DHX30: variants seen among roughly 807,000 people sequenced by gnomAD.
DHX30 encodes the protein ATP-dependent RNA helicase DHX30.
In DHX30, 4 loss-of-function variants were observed where a neutral mutation model predicts 116.9. The observed-to-expected ratio is 0.03, with a 90% CI of 0.02 to 0.08. The LOEUF (loss-of-function observed/expected upper bound fraction) is 0.08, where lower values mean the gene tolerates loss of function less well. Among genes scored for constraint, DHX30 ranks in the 10% least tolerant of loss-of-function variants. The probability of loss-of-function intolerance (pLI) is 1.00; values close to 1 mark genes in which losing one functional copy is unlikely to be tolerated. For synonymous variants in DHX30, 697 were observed against 651.7 expected (o/e 1.07, Z -1.06); for missense variants, 871 against 1,595.1 (o/e 0.55, Z 7.73).
At chr3:47,805,986 A>G (rs751073886) in intron 2 of DHX30, among the ~76,000 whole-genome samples, 6 of 151,518 alleles carry the variant, frequency 4.0e-5, no homozygotes, top group Admixed American at 6.6e-5. Context: ...TAAGAGACAC[A>G]TTGAGCTACA....
At chr3:47,807,275 C>T (rs2035572032) in intron 2 of DHX30, among the ~76,000 whole-genome samples, 1 of 152,112 alleles carries the variant, frequency 6.6e-6, no homozygotes, top group African/African-American at 2.4e-5. Flanking sequence ...ATGAAATGTT[C>T]TAGAGCTCTG....
At chr3:47,811,243 C>T (rs909140547) in intron 3 of DHX30, among the ~76,000 whole-genome samples, 1 of 152,068 alleles carries the variant, frequency 6.6e-6, no homozygotes, top group Non-Finnish European at 1.5e-5. Context: ...TGTGAGCCAC[C>T]GTGGCTGGCC....
rs1357088941 is a variant in DHX30, at chr3:47,847,355, G to C, written c.2005+7G>C. 5.0e-6 allele frequency: 8 copies of C among 1,614,112 alleles called. No individual in the cohort carries two copies. In the African/African-American group the frequency reaches 8.0e-5, roughly 16 times the overall value. ...GATGCTCGCGGGGAACCAGGTGGGT[G>C]CCTCCCCATCTGTCCCATGCTAGCC... is the stretch of plus-strand genomic sequence containing the variant. On this transcript the variant is annotated splice_region_variant and intron_variant, in intron 12 of 21. Transcript: ENST00000445061. This position sits in a 1 kb window ranked among gnomAD's most constrained non-coding sequence, Gnocchi z 5.5.
intron 2 of DHX30, among the ~76,000 whole-genome samples, chr3:47,807,415 C>A (rs2035578712): frequency 6.7e-6 from 1 of 150,302 alleles, no homozygotes. Context: ...TTTTAAAAAG[C>A]AAAACTGGCC....
In DHX30 at chr3:47,848,814, C is replaced by T; in HGVS notation, c.2766C>T (p.Asp922=). 6.2e-7 allele frequency: 1 copy of T among 1,610,780 alleles called. No individual in the cohort carries two copies. The highest frequency in any genetic ancestry group is 8.5e-7 in the Non-Finnish European group (1 of 1,177,240). Residue 922 remains aspartate, a synonymous_variant, in exon 17 of 22, where the codon GAC becomes GAT. Coordinates refer to ENST00000445061, the MANE Select transcript of DHX30 (RefSeq NM_138615.3). The surrounding 1 kb of genome is among the most constrained non-coding windows in gnomAD (Gnocchi z 9.4). ...SSSLQNRAEV[D]KVKALLSHDS... is the part of the protein sequence containing the mutation. ...GCCTACAGAACCGGGCAGAGGTGGA[C>T]AAGGTCAGTCCTGGCTCCTTCCTGG...
Position 47,848,874 on chromosome 3 carries a change from G to T in DHX30, c.2770-46G>T. On this transcript the variant is annotated intron_variant, in intron 17 of 21. Transcript: ENST00000445061. This position sits in a 1 kb window ranked among gnomAD's most constrained non-coding sequence, Gnocchi z 9.4. ...CCCACTGCTGTTCTGAGGGGGCGTTGTCTAGCCCCTGCCTGTGATCCGGCT... is the reference window on the plus strand; with the variant it reads ...CCCACTGCTGTTCTGAGGGGGCGTTTTCTAGCCCCTGCCTGTGATCCGGCT... The T allele has an allele frequency of 6.3e-7, 1 of 1,597,946 alleles. No homozygotes were observed. Among genetic ancestry groups the T allele is most frequent in the African/African-American group, 1.3e-5 (1 of 74,764 alleles).
At chr3:47,817,560 T>A (rs755994470) in intron 3 of DHX30, among the ~76,000 whole-genome samples, 1 of 152,144 alleles carries the variant, frequency 6.6e-6, no homozygotes, top group Non-Finnish European at 1.5e-5. Flanking sequence ...TACCCAGCTC[T>A]TGGAGGGAAA....
At chr3:47,811,742 A>G (rs910866716) in intron 3 of DHX30, among the ~76,000 whole-genome samples, 2 of 152,022 alleles carry the variant, frequency 1.3e-5, no homozygotes, top group Non-Finnish European at 2.9e-5. Flanking sequence ...GGATCCAGAG[A>G]GAGAGAGTTG....
intron 6 of DHX30, among the ~76,000 whole-genome samples, chr3:47,830,581 A>G (rs1024168108): frequency 4.0e-5 from 6 of 151,816 alleles, no homozygotes; most frequent in Non-Finnish European, 7.4e-5. Flanking sequence ...GTTTACAAAC[A>G]TGCGGCACCG....
intron 6 of DHX30, among the ~76,000 whole-genome samples, chr3:47,832,142 C>CTGAA: frequency 6.7e-6 from 1 of 150,186 alleles, no homozygotes; most frequent in Non-Finnish European, 1.5e-5. Context: ...AATTCCTGGG[C>CTGAA]TGAAGCGATC....
At chr3:47,824,681 G>A in intron 4 of DHX30, 1 of 194,476 alleles carries the variant, frequency 5.1e-6, no homozygotes, top group Non-Finnish European at 1.0e-5. Context: ...AGGTAGTTAG[G>A]AACAATTGGT....
rs756870874 is a variant in DHX30, at chr3:47,845,691, C to T, written c.940-9C>T. ...GAGCATAGACTGAGTCTTGCATGTC[C>T]CCCTGCAGAGCCTGGGCCTGGTGGA... On this transcript the variant is annotated splice_polypyrimidine_tract_variant and intron_variant, in intron 9 of 21. Coordinates refer to ENST00000445061, the MANE Select transcript of DHX30 (RefSeq NM_138615.3). 6 of 1,584,924 alleles carry T rather than the reference C, an allele frequency of 3.8e-6. No individual in the cohort carries two copies. The South Asian group carries it at 4.5e-5, about 12-fold the overall frequency.
intron 4 of DHX30, among the ~76,000 whole-genome samples, chr3:47,824,156 C>T (rs1452138493): frequency 6.6e-6 from 1 of 152,028 alleles, no homozygotes; most frequent in African/African-American, 2.4e-5. Flanking sequence ...GCGCGCGACA[C>T]TATGCCCGGC....
At chr3:47,849,797 C>G (rs752120057) in intron 21 of DHX30, 28 bp downstream of exon 21, 29 of 1,608,000 alleles carry the variant, frequency 1.8e-5, no homozygotes, top group Non-Finnish European at 2.4e-5. Flanking sequence ...TCCCGCCCAC[C>G]CCGCTCTGCA....
chr3:47,850,135 G>C lies in DHX30; in HGVS notation c.*15G>C. Reference sequence around the variant, plus strand: ...CTGACGACTGAGCCCTGCTTCTGCTGGGGCTGTGTACAGAGTGCAAATGTT... The same window carrying C: ...CTGACGACTGAGCCCTGCTTCTGCTCGGGCTGTGTACAGAGTGCAAATGTT... On this transcript the variant is annotated 3_prime_UTR_variant, in exon 22 of 22. Transcript: ENST00000445061. 2 of 1,576,050 alleles carry C rather than the reference G, an allele frequency of 1.3e-6. No individual in the cohort carries two copies. Among genetic ancestry groups the C allele is most frequent in the Non-Finnish European group, 1.7e-6 (2 of 1,164,124 alleles).
rs2037607723 is a variant in DHX30, at chr3:47,846,360, G to C, written c.1288G>C (p.Glu430Gln). ...LWRRRGPVWQEAPQLPVDPHR... is the reference protein window; with the variant it reads ...LWRRRGPVWQQAPQLPVDPHR... ...GCGGCGGCGAGGGCCGGTCTGGCAG[G>C]AGGCCCCCCAGCTACCTGTGGACCC... Residue 430 changes from glutamate to glutamine, a missense_variant, in exon 11 of 22, where the codon GAG becomes CAG. Physicochemically the swap from Glu to Gln is conservative, Grantham distance 29. Around this residue, in one of 13 missense-constraint regions of DHX30, gnomAD observed 175 missense variants for 292.9 expected, o/e 0.60. Transcript: ENST00000445061. 6.2e-7 allele frequency: 1 copy of C among 1,614,070 alleles called. No homozygotes were observed. The highest frequency in any genetic ancestry group is 8.5e-7 in the Non-Finnish European group (1 of 1,180,042).
At chr3:47,834,628 C>G (rs2037021880) in intron 6 of DHX30, among the ~76,000 whole-genome samples, 1 of 151,896 alleles carries the variant, frequency 6.6e-6, no homozygotes, top group Non-Finnish European at 1.5e-5. Flanking sequence ...CGCCACCACA[C>G]CTGGCTAATT....
chr3:47,814,885 A>C (rs2035983161), intron 3 of DHX30, among the ~76,000 whole-genome samples: 2 of 151,974 alleles, frequency 1.3e-5, no homozygotes, highest in South Asian at 4.2e-4. Context: ...ATAATTAAAA[A>C]AATAATTTTT....
intron 6 of DHX30, among the ~76,000 whole-genome samples, chr3:47,838,902 C>G (rs2037239321): frequency 1.3e-5 from 2 of 152,126 alleles, no homozygotes; most frequent in African/African-American, 4.8e-5. Context: ...GAGATAGGGT[C>G]TTGCTCTGTC....
Sources: allele counts gnomAD v4.1 joint callset (sites outside exome capture counted in the v4.1 genomes callset), GRCh38; gene constraint gnomAD v4.1.1; regional missense constraint gnomAD v4.1.1; non-coding constraint Gnocchi (gnomAD v3.1); transcripts MANE v1.5; gene names NCBI Gene and HGNC (gene_info 2026-07-23, HGNC 2026-07-21).